Variants in FHL2 observed in about 807,000 individuals in gnomAD.
FHL2 encodes four and a half LIM domains 2, also known as four and a half LIM domains protein 2.
A neutral mutation model predicts 32.7 loss-of-function variants in FHL2; 20 were observed. The ratio of observed to expected loss-of-function variants is 0.61; its 90% CI spans 0.43 to 0.89. The LOEUF (loss-of-function observed/expected upper bound fraction) is 0.89, where lower values mean the gene tolerates loss of function less well. FHL2 is among the 40% of genes least tolerant of loss of function. FHL2 has a pLI of 0.00. For synonymous variants in FHL2, 123 were observed against 128.1 expected, an observed-to-expected ratio of 0.96 and a Z score of 0.27; for missense variants, 311 against 358.6, an observed-to-expected ratio of 0.87 and a Z score of 1.07.
At chr2:105,425,122 A>G (rs1288516739) in intron 1 of FHL2, among the ~76,000 whole-genome samples, 1 of 152,116 alleles carries the variant, frequency 6.6e-6, no homozygotes, top group Non-Finnish European at 1.5e-5. Flanking sequence ...TACTTTAAAC[A>G]ATTGCTTTGC....
In FHL2 at chr2:105,397,881, G is replaced by GC. The variant is rs1683247969; in HGVS notation, c.-76+960_-76+961insG. Among the ~76,000 whole-genome samples, 3 of 116,302 alleles carry GC rather than the reference G, an allele frequency of 2.6e-5. No individual in the cohort carries two copies. The South Asian group carries it at 7.4e-4, about 29-fold the overall frequency. 76.3% of individuals were successfully genotyped at this position (116,302 alleles called of 152,430 possible). A position where few individuals can be genotyped will look rare whatever the true frequency, so the allele number is the denominator to read the frequency against. On this transcript the variant is annotated intron_variant, in intron 1 of 6. Coordinates refer to ENST00000530340, the MANE Select transcript of FHL2 (RefSeq NM_001318895.3). ...TGATGCAAATGGTTTTTGTTTTTTT[G>GC]TTTTTTGTTTTTTTTTGTCTAAAAC...
intron 4 of FHL2, among the ~76,000 whole-genome samples, chr2:105,371,857 T>A (rs888601626): frequency 1.3e-5 from 2 of 152,198 alleles, no homozygotes; most frequent in African/African-American, 4.8e-5. Context: ...GTCTCTGCAG[T>A]GACTCCCTGT....
rs568647217 is a variant in FHL2 at position 105,361,434 on chromosome 2, C to A, written c.689G>T (p.Gly230Val). The A allele has an allele frequency of 7.4e-6, 12 of 1,612,570 alleles. No homozygotes were observed. The African/African-American group carries it at 1.2e-4, about 16-fold the overall frequency. The change falls in exon 7 of 7, where the codon GGA becomes GTA. Residue 230 changes from glycine (G) to valine (V), a missense_variant and splice_region_variant. Transcript: ENST00000530340. ...KCAGCTNPIS[G>V]LGGTKYISFE... is the part of the protein sequence containing the mutation. ...GGAGATGTATTTTGTGCCACCAAGT[C>A]CTGTTAACAGAGAGAAAATAATACC...
chr2:105,397,760 G>A (rs889990830), intron 1 of FHL2, among the ~76,000 whole-genome samples: 1 of 152,140 alleles, frequency 6.6e-6, no homozygotes, highest in Non-Finnish European at 1.5e-5. Context: ...AGTAACACTT[G>A]ACAAAATTTT....
intron 2 of FHL2, among the ~76,000 whole-genome samples, chr2:105,391,596 C>T (rs1380710770): frequency 7.9e-5 from 12 of 152,092 alleles, no homozygotes; most frequent in Non-Finnish European, 1.5e-5. Flanking sequence ...GCCTCGCAGG[C>T]AGTGGAGAAA....
intron 1 of FHL2, among the ~76,000 whole-genome samples, chr2:105,412,390 GA>G (rs1436015793): frequency 2.0e-5 from 3 of 152,202 alleles, no homozygotes; most frequent in Admixed American, 6.5e-5. Flanking sequence ...CAGGAAAATA[GA>G]AAAAAACAAA....
intron 2 of FHL2, among the ~76,000 whole-genome samples, chr2:105,393,126 G>A (rs915951889): frequency 6.6e-6 from 1 of 152,076 alleles, no homozygotes; most frequent in African/African-American, 2.4e-5. Flanking sequence ...GAAGAGGTCA[G>A]ATTAGCAAAA....
rs1682556908 is a variant in FHL2, at chr2:105,389,416, GT to G, written c.-24-2877del. Among the ~76,000 whole-genome samples, 4 of 152,238 alleles carry G rather than the reference GT, an allele frequency of 2.6e-5. No homozygotes were observed. In the East Asian group the frequency reaches 7.7e-4, roughly 29 times the overall value. On this transcript the variant is annotated intron_variant, in intron 2 of 6. Coordinates refer to ENST00000530340, the MANE Select transcript of FHL2 (RefSeq NM_001318895.3). ...TGAGAGCTGTTTTTCCAACATATAT[GT>G]TTTTCCAATAAAGGGTGTGATTTAG...
intron 1 of FHL2, 122 bp downstream of exon 1, chr2:105,398,720 T>G: frequency 2.5e-4 from 146 of 573,684 alleles, no homozygotes; most frequent in Middle Eastern, 6.8e-4. Context: ...ACCCCCAGGG[T>G]TCGGCTCTCC....
intron 4 of FHL2, among the ~76,000 whole-genome samples, chr2:105,373,075 G>A (rs765692230): frequency 5.9e-5 from 9 of 152,126 alleles, no homozygotes; most frequent in Admixed American, 3.3e-4. Context: ...TTGACTGTCC[G>A]TCTAGAACAC....
chr2:105,434,040 T>C (rs1299333478), intron 1 of FHL2, among the ~76,000 whole-genome samples: 4 of 152,222 alleles, frequency 2.6e-5, no homozygotes, highest in Non-Finnish European at 5.9e-5. Context: ...CTCCATATTG[T>C]TCACATTCCT....
chr2:105,412,652 C>G (rs570800480), intron 1 of FHL2, among the ~76,000 whole-genome samples: 1 of 152,072 alleles, frequency 6.6e-6, no homozygotes, highest in Non-Finnish European at 1.5e-5. Context: ...AGGAGTGGGT[C>G]GAAGGTCAAG....
chr2:105,413,975 A>G (rs1683864394), intron 1 of FHL2, among the ~76,000 whole-genome samples: 1 of 152,194 alleles, frequency 6.6e-6, no homozygotes, highest in Non-Finnish European at 1.5e-5. Context: ...CAGTCCCACA[A>G]GACTGCCACT....
chr2:105,367,816 C>A, intron 4 of FHL2, 77 bp from the exon 5 acceptor site: 1 of 1,448,592 alleles, frequency 6.9e-7, no homozygotes, highest in East Asian at 2.3e-5. Flanking sequence ...GCCTTCAGAG[C>A]TTGCTGCCCT....
At chr2:105,429,806 T>C (rs143741862) in intron 1 of FHL2, among the ~76,000 whole-genome samples, 2,160 of 152,314 alleles carry the variant, frequency 0.014, 21 homozygotes, top group Middle Eastern at 0.027. Flanking sequence ...ATTGTAATTG[T>C]CCCTGCACCA....
rs74424328 is a variant in FHL2 at position 105,427,505 on chromosome 2, A to T, written c.-25+10894T>A. The stretch of plus-strand genomic sequence containing the variant: ...ACCTCAATTTAGAACAATGTCACAA[A>T]AGAAAAGTGAGCTCCGGGGCTTGGG... On this transcript the variant is annotated intron_variant, in intron 1 of 5. Transcript: ENST00000393352. 7.8e-3 allele frequency among the ~76,000 whole-genome samples: 1,193 copies of T among 152,242 alleles called. 15 individuals carry two copies. Among genetic ancestry groups the T allele is most frequent in the African/African-American group, 0.025 (1,038 of 41,548 alleles).
chr2:105,373,456 C>T, intron 4 of FHL2, 103 bp downstream of exon 4: 1 of 1,278,214 alleles, frequency 7.8e-7, no homozygotes, highest in Non-Finnish European at 1.1e-6. Context: ...GGAAAGTCAA[C>T]ACGAGTGTCT....
intron 3 of FHL2, among the ~76,000 whole-genome samples, chr2:105,382,166 A>G (rs1455178651): frequency 6.6e-6 from 1 of 152,208 alleles, no homozygotes; most frequent in Non-Finnish European, 1.5e-5. Flanking sequence ...AATGTTTCCT[A>G]TTAGCTACAA....
intron 1 of FHL2, among the ~76,000 whole-genome samples, chr2:105,433,623 C>T (rs949183671): frequency 7.9e-5 from 12 of 152,110 alleles, no homozygotes; most frequent in Non-Finnish European, 8.8e-5. Flanking sequence ...CCTCTCAGTG[C>T]CTCGGCGTCC....
Sources: gnomAD v4.1 joint callset for allele counts (sites outside exome capture counted in the v4.1 genomes callset) on GRCh38, gnomAD v4.1.1 for gene constraint, MANE v1.5 for transcripts, NCBI Gene and HGNC (gene_info 2026-07-23, HGNC 2026-07-21) for gene names.